The following CLASP1 variants were observed in gnomAD, a reference collection of about 807,000 sequenced individuals.
CLASP1 encodes the protein CLIP-associating protein 1.
In CLASP1, 38 loss-of-function variants were observed where a neutral mutation model predicts 192.3. That is an observed-to-expected ratio of 0.20 (90% confidence interval 0.15 to 0.26). The LOEUF (loss-of-function observed/expected upper bound fraction) is 0.26. Ranked by LOEUF, CLASP1 falls within the 10% of genes least tolerant of loss-of-function variation. CLASP1 has a pLI of 1.00. For missense variants in CLASP1, 1,433 were observed against 1,932.5 expected (o/e 0.74, Z 4.85); for synonymous variants, 691 against 712.8 (o/e 0.97, Z 0.49).
rs527803214 is a variant in CLASP1, at chr2:121,430,380, C to G, written c.1913-203G>C. On this transcript the variant is annotated intron_variant, in intron 19 of 39. Coordinates refer to ENST00000263710, the Ensembl canonical transcript of CLASP1. ...ACATGCGCATATGATCCACGCACAACTGTTCTACGAACACAGGATGAACTC... is the reference window on the plus strand; with the variant it reads ...ACATGCGCATATGATCCACGCACAAGTGTTCTACGAACACAGGATGAACTC... Among the ~76,000 whole-genome samples, 4 of 152,404 alleles carry G rather than the reference C, an allele frequency of 2.6e-5. No individual in the cohort carries two copies. The East Asian group carries it at 7.7e-4, about 29-fold the overall frequency.
At chr2:121,342,787 A>C (rs992244330) in intron 39 of CLASP1, among the ~76,000 whole-genome samples, 1 of 152,158 alleles carries the variant, frequency 6.6e-6, no homozygotes. Flanking sequence ...AAATTTAAAA[A>C]TTAGCTGGGA....
intron 26 of CLASP1, chr2:121,403,581 G>T (rs952967064): frequency 2.2e-6 from 1 of 444,560 alleles, no homozygotes; most frequent in African/African-American, 2.0e-5. Context: ...CTCATTTAAG[G>T]TTCTATCCAT....
chr2:121,501,777 T>C (rs924777640), intron 8 of CLASP1, among the ~76,000 whole-genome samples: 2 of 152,196 alleles, frequency 1.3e-5, no homozygotes, highest in African/African-American at 2.4e-5. Context: ...TCAAGTTACT[T>C]TGAGGAAAAG....
In CLASP1 at chr2:121,509,805, T is replaced by C. The variant is rs566904864; in HGVS notation, c.644+5860A>G. Reference sequence around the variant, plus strand: ...GTGAGCCAAGACTGTACTACTGCACTCCAGCCTGGACAAAAGAGTGAGACT... The same window carrying C: ...GTGAGCCAAGACTGTACTACTGCACCCCAGCCTGGACAAAAGAGTGAGACT... On this transcript the variant is annotated intron_variant, in intron 7 of 39. Transcript: ENST00000263710. Among the ~76,000 whole-genome samples the C allele has an allele frequency of 1.6e-4, 25 of 152,200 alleles. No individual in the cohort carries two copies. In the South Asian group the frequency reaches 4.8e-3, roughly 29 times the overall value.
intron 1 of CLASP1, among the ~76,000 whole-genome samples, chr2:121,614,971 G>A (rs1209991439): frequency 6.6e-6 from 1 of 152,230 alleles, no homozygotes; most frequent in African/African-American, 2.4e-5. Context: ...AGAAGGCTTG[G>A]AATGACCAAG....
chr2:121,427,770 A>G (rs1273442708), intron 20 of CLASP1, among the ~76,000 whole-genome samples: 1 of 152,210 alleles, frequency 6.6e-6, no homozygotes, highest in East Asian at 1.9e-4. Context: ...ACCACATAGT[A>G]AGTGCTCAAT....
chr2:121,515,325 T>C (rs527635396), intron 7 of CLASP1, among the ~76,000 whole-genome samples: 3 of 152,348 alleles, frequency 2.0e-5, no homozygotes, highest in East Asian at 1.9e-4. Context: ...GCACCTACTA[T>C]ACTAAGTGCT....
intron 21 of CLASP1, among the ~76,000 whole-genome samples, chr2:121,427,172 C>T (rs1024213956): frequency 6.6e-6 from 1 of 151,996 alleles, no homozygotes; most frequent in African/African-American, 2.4e-5. Flanking sequence ...AAGAATTTGT[C>T]TCAGGACCTA....
chr2:121,540,292 C>A (rs1033207368), intron 2 of CLASP1, among the ~76,000 whole-genome samples: 1 of 152,110 alleles, frequency 6.6e-6, no homozygotes, highest in African/African-American at 2.4e-5. Context: ...AATACAAAAT[C>A]TTGTAAGAAT....
At chr2:121,343,370 C>T (rs140978123) in intron 39 of CLASP1, among the ~76,000 whole-genome samples, 23 of 152,228 alleles carry the variant, frequency 1.5e-4, no homozygotes, top group African/African-American at 5.1e-4. Flanking sequence ...ACAGGTGCAC[C>T]AGTGTTCATA....
At chr2:121,488,073 C>T (rs954408873) in intron 8 of CLASP1, among the ~76,000 whole-genome samples, 2 of 152,162 alleles carry the variant, frequency 1.3e-5, no homozygotes, top group Admixed American at 1.3e-4. Flanking sequence ...TACACTGGCT[C>T]ACCTTGCTCC....
At chr2:121,646,658 A>C (rs2073219082) in intron 1 of CLASP1, among the ~76,000 whole-genome samples, 1 of 152,224 alleles carries the variant, frequency 6.6e-6, no homozygotes, top group Admixed American at 6.5e-5. Flanking sequence ...CAGTAAATTT[A>C]AGTCTCAGGC....
At chr2:121,373,827 C>G (rs1469125230) in intron 34 of CLASP1, among the ~76,000 whole-genome samples, 1 of 152,160 alleles carries the variant, frequency 6.6e-6, no homozygotes, top group Admixed American at 6.5e-5. Context: ...TTCTAAAAGC[C>G]TCTGTTCATT....
chr2:121,449,501 A>C (rs2085002124), intron 16 of CLASP1, among the ~76,000 whole-genome samples: 1 of 151,890 alleles, frequency 6.6e-6, no homozygotes, highest in Non-Finnish European at 1.5e-5. Flanking sequence ...TCTTGACACA[A>C]AGTATTTAAA....
chr2:121,632,645 C>T (rs533685203), intron 1 of CLASP1, among the ~76,000 whole-genome samples: 1 of 151,966 alleles, frequency 6.6e-6, no homozygotes, highest in South Asian at 2.1e-4. Flanking sequence ...GCCTGTAAAC[C>T]CAACACTTTG....
At chr2:121,546,578 C>T (rs751826571) in intron 2 of CLASP1, among the ~76,000 whole-genome samples, 5 of 152,134 alleles carry the variant, frequency 3.3e-5, no homozygotes, top group African/African-American at 7.2e-5. Context: ...CCGGGAACCA[C>T]GCTTCTTCCA....
At chr2:121,402,726 T>C (rs778548103) in intron 26 of CLASP1, 4 of 499,460 alleles carry the variant, frequency 8.0e-6, no homozygotes, top group Admixed American at 4.2e-5. Context: ...GTTCACGTTA[T>C]AAATCTTAAG....
intron 30 of CLASP1, among the ~76,000 whole-genome samples, chr2:121,388,752 G>C (rs1015011930): frequency 6.6e-6 from 1 of 152,142 alleles, no homozygotes; most frequent in Non-Finnish European, 1.5e-5. Flanking sequence ...ATACTAATTG[G>C]CATTTCTAAT....
At chr2:121,580,852 GCAGAGTAACTGC>G (rs2061049876) in intron 2 of CLASP1, among the ~76,000 whole-genome samples, 1 of 152,094 alleles carries the variant, frequency 6.6e-6, no homozygotes, top group Admixed American at 6.5e-5. Flanking sequence ...CCATTGTGAT[GCAGAGTAACTGC>G]CAAAAACTAC....
Sources: allele counts gnomAD v4.1 joint callset (sites outside exome capture counted in the v4.1 genomes callset), GRCh38; gene constraint gnomAD v4.1.1; transcripts MANE v1.5; gene names NCBI Gene and HGNC (gene_info 2026-07-23, HGNC 2026-07-21).